Variants in TUSC3 observed in about 807,000 individuals in gnomAD.
The protein encoded by TUSC3 is dolichyl-diphosphooligosaccharide--protein glycosyltransferase subunit TUSC3.
Under a neutral mutation model 44.8 loss-of-function variants are expected in TUSC3, and 45 were observed. The observed-to-expected ratio is 1.00, with a 90% CI of 0.79 to 1.29. TUSC3 has a LOEUF of 1.29. TUSC3 is among the 50% of genes most tolerant of loss of function. The pLI is 0.00. For synonymous variants in TUSC3, 212 were observed against 152.9 expected (o/e 1.39, Z -2.85); for missense variants, 519 against 437.9 (o/e 1.19, Z -1.65).
chr8:15,439,234 T>C (rs1358855227), intron 1 of TUSC3, among the ~76,000 whole-genome samples: 5 of 152,156 alleles, frequency 3.3e-5, no homozygotes, highest in Non-Finnish European at 5.9e-5. Flanking sequence ...ATGCAGTCCA[T>C]AGTAATCAGC....
the TUSC3 span, among the ~76,000 whole-genome samples, chr8:15,842,521 A>G: frequency 6.6e-6 from 1 of 152,284 alleles, no homozygotes; most frequent in Admixed American, 6.5e-5. Context: ...CTTATTGCTG[A>G]TCTTAGCATC....
intron 6 of TUSC3, among the ~76,000 whole-genome samples, chr8:15,685,699 G>T (rs1413861328): frequency 1.3e-5 from 2 of 152,084 alleles, no homozygotes; most frequent in East Asian, 3.9e-4. Flanking sequence ...CGCATAGTTT[G>T]TGGCAGTCAA....
chr8:15,615,937 TC>T (rs902664509), intron 1 of TUSC3, among the ~76,000 whole-genome samples: 2 of 152,172 alleles, frequency 1.3e-5, no homozygotes, highest in Admixed American at 6.5e-5. Context: ...ACTCAAGTGA[TC>T]CTCTGGACTC....
intron 4 of TUSC3, 76 bp downstream of exon 4, chr8:15,659,723 G>A (rs1585202526): frequency 6.4e-7 from 1 of 1,571,174 alleles, no homozygotes; most frequent in East Asian, 2.2e-5. Flanking sequence ...TAAGGCCACA[G>A]TAATACTTTT....
intron 1 of TUSC3, among the ~76,000 whole-genome samples, chr8:15,468,895 G>C (rs1463143046): frequency 6.6e-6 from 1 of 151,470 alleles, no homozygotes; most frequent in African/African-American, 2.4e-5. Context: ...GGAATAATCT[G>C]AGTTAAGAGT....
At chr8:15,772,367 C>G in the TUSC3 span, among the ~76,000 whole-genome samples, 1 of 151,926 alleles carries the variant, frequency 6.6e-6, no homozygotes, top group Non-Finnish European at 1.5e-5. Flanking sequence ...ACCCACCTTG[C>G]GGAAATAAAA....
intron 2 of TUSC3, among the ~76,000 whole-genome samples, chr8:15,483,946 C>T (rs146324568): frequency 0.033 from 4,996 of 152,092 alleles, 111 homozygotes; most frequent in Non-Finnish European, 0.046. Context: ...CGTGAGCCAC[C>T]GCGCCTGGCC....
intron 1 of TUSC3, among the ~76,000 whole-genome samples, chr8:15,545,389 G>C (rs1801829250): frequency 2.6e-5 from 4 of 151,484 alleles, no homozygotes; most frequent in Non-Finnish European, 4.4e-5. Context: ...TTTAAAAATG[G>C]GCAGTACACT....
At chr8:15,459,875 TATACATAC>T (rs139425502) in intron 1 of TUSC3, among the ~76,000 whole-genome samples, 371 of 148,276 alleles carry the variant, frequency 2.5e-3, no homozygotes, top group African/African-American at 7.4e-3. Flanking sequence ...TGTGTGTGTG[TATACATAC>T]ATACATACAT....
At chr8:15,634,336 G>A (rs866840751) in intron 2 of TUSC3, among the ~76,000 whole-genome samples, 12 of 152,284 alleles carry the variant, frequency 7.9e-5, no homozygotes, top group Middle Eastern at 6.8e-3. Flanking sequence ...TTGTGTCCAC[G>A]ATTCTAGACA....
chr8:15,436,718 A>C (rs1585788345), intron 1 of TUSC3, among the ~76,000 whole-genome samples: 1 of 152,338 alleles, frequency 6.6e-6, no homozygotes, highest in East Asian at 1.9e-4. Flanking sequence ...ACATTTCATA[A>C]GAAAATGACC....
chr8:15,812,843 C>T, the TUSC3 span, among the ~76,000 whole-genome samples: 1 of 152,172 alleles, frequency 6.6e-6, no homozygotes, highest in African/African-American at 2.4e-5. Context: ...CGCCTGTAAT[C>T]CCAGCACTTT....
chr8:15,538,594 C>T (rs376344726), upstream of TUSC3, among the ~76,000 whole-genome samples: 11 of 152,120 alleles, frequency 7.2e-5, no homozygotes, highest in East Asian at 1.4e-3. Flanking sequence ...GTGGAGCAAG[C>T]GTTCTTAATC....
chr8:15,723,076 C>G (rs1298972769), intron 6 of TUSC3, among the ~76,000 whole-genome samples: 1 of 152,068 alleles, frequency 6.6e-6, no homozygotes, highest in Non-Finnish European at 1.5e-5. Flanking sequence ...TATCTCTGGT[C>G]AGTTTCATGC....
In TUSC3 at chr8:15,673,545, A is replaced by G. The variant is rs543109035; in HGVS notation, c.709-202A>G. Among the ~76,000 whole-genome samples, 33 of 152,190 alleles carry G rather than the reference A, an allele frequency of 2.2e-4. No homozygotes were observed. In the South Asian group the frequency reaches 6.0e-3, roughly 28 times the overall value. Reference sequence around the variant, plus strand: ...TTTCTTTAACAGAGCTGGCATACCAATTTTATAGATACGGAATCTGAGATG... The same window carrying G: ...TTTCTTTAACAGAGCTGGCATACCAGTTTTATAGATACGGAATCTGAGATG... On this transcript the variant is annotated intron_variant, in intron 5 of 10. Coordinates refer to ENST00000503731, the MANE Select transcript of TUSC3 (RefSeq NM_006765.4).
chr8:15,615,124 A>G (rs910891004), intron 1 of TUSC3, among the ~76,000 whole-genome samples: 7 of 152,146 alleles, frequency 4.6e-5, no homozygotes, highest in Non-Finnish European at 7.4e-5. Context: ...TATCCAAAGG[A>G]AAGGAAATCA....
At chr8:15,566,003 T>A (rs1356362450) in intron 1 of TUSC3, among the ~76,000 whole-genome samples, 1 of 152,128 alleles carries the variant, frequency 6.6e-6, no homozygotes, top group Non-Finnish European at 1.5e-5. Flanking sequence ...AAAACAAATA[T>A]CATCGCTTAT....
At chr8:15,845,649 T>A in the TUSC3 span, among the ~76,000 whole-genome samples, 4 of 152,176 alleles carry the variant, frequency 2.6e-5, no homozygotes, top group African/African-American at 9.6e-5. Flanking sequence ...AGCCCTGAGT[T>A]GTCATTTATT....
At chr8:15,847,835 G>A in the TUSC3 span, among the ~76,000 whole-genome samples, 145,684 of 152,248 alleles carry the variant, frequency 0.96, 69,746 homozygotes, top group African/African-American at 0.96. Context: ...CCAACAGGCT[G>A]TGAGTGAACG....
Sources: gnomAD v4.1 joint callset for allele counts (sites outside exome capture counted in the v4.1 genomes callset) on GRCh38, gnomAD v4.1.1 for gene constraint, MANE v1.5 for transcripts, NCBI Gene and HGNC (gene_info 2026-07-23, HGNC 2026-07-21) for gene names.